Variants in GALNT18 observed in about 807,000 individuals in gnomAD.
The protein encoded by GALNT18 is polypeptide N-acetylgalactosaminyltransferase 18.
A neutral mutation model predicts 69.5 loss-of-function variants in GALNT18; 44 were observed. The observed-to-expected ratio is 0.63, with a 90% CI of 0.50 to 0.81. The LOEUF (loss-of-function observed/expected upper bound fraction) is 0.81. Ranked by LOEUF, GALNT18 falls within the 40% of genes least tolerant of loss-of-function variation. The pLI, the probability that GALNT18 is intolerant of heterozygous loss-of-function variation, is 0.00. For synonymous variants in GALNT18, 364 were observed against 318.2 expected (o/e 1.14, Z -1.53); for missense variants, 715 against 810.0 (o/e 0.88, Z 1.42).
At chr11:11,446,313 A>G (rs1483427692) in intron 2 of GALNT18, among the ~76,000 whole-genome samples, 1 of 152,148 alleles carries the variant, frequency 6.6e-6, no homozygotes. Context: ...AATCTGTAAA[A>G]TCCACCCTTT....
intron 10 of GALNT18, among the ~76,000 whole-genome samples, chr11:11,276,099 C>G (rs773859357): frequency 1.1e-4 from 16 of 152,148 alleles, no homozygotes; most frequent in Non-Finnish European, 2.1e-4. Context: ...GGGGATAGCA[C>G]TGAATCTACA....
chr11:11,447,475 G>A (rs1855682983), intron 2 of GALNT18, among the ~76,000 whole-genome samples: 2 of 152,100 alleles, frequency 1.3e-5, no homozygotes, highest in Admixed American at 6.5e-5. Flanking sequence ...GTGAAGCAGG[G>A]GTTTCTGTAT....
rs1856509345 is a variant in GALNT18, at chr11:11,480,768, C to G, written c.236-31832G>C. ...CTTCTCACAGCGTGCTCTACAGAAC[C>G]CTAGTTCCGTGCAGAGTTATTAAGT... On this transcript the variant is annotated intron_variant, in intron 1 of 10. Coordinates refer to ENST00000227756, the MANE Select transcript of GALNT18 (RefSeq NM_198516.3). The surrounding 1 kb of genome is among the most constrained non-coding windows in gnomAD (Gnocchi z 4.6). Among the ~76,000 whole-genome samples, 1 of 152,272 alleles carries G rather than the reference C, an allele frequency of 6.6e-6. No homozygotes were observed. Among genetic ancestry groups the G allele is most frequent in the African/African-American group, 2.4e-5 (1 of 41,558 alleles).
chr11:11,552,377 G>T (rs576190208), intron 1 of GALNT18, among the ~76,000 whole-genome samples: 2 of 152,336 alleles, frequency 1.3e-5, no homozygotes, highest in South Asian at 4.1e-4. Flanking sequence ...TTGTATCAAA[G>T]TTATCTTTGA....
rs531178871 is a variant in GALNT18, at chr11:11,617,064, T to TAGAAATCAAACTTTGTAA, written c.235+4294_235+4295insTTACAAAGTTTGATTTCT. Among the ~76,000 whole-genome samples, 243 of 152,270 alleles carry TAGAAATCAAACTTTGTAA rather than the reference T, an allele frequency of 1.6e-3. No homozygotes were observed. The highest frequency in any genetic ancestry group is 5.6e-3 in the African/African-American group (234 of 41,564). On this transcript the variant is annotated intron_variant, in intron 1 of 10. Transcript: ENST00000227756. This position sits in a 1 kb window ranked among gnomAD's most constrained non-coding sequence, Gnocchi z 4.7. Reference sequence around the variant, plus strand: ...CAATGAATTTTAAAGAAAACAGAACTATGGGATATTATGGGAGTGGTTTGT... The same window carrying TAGAAATCAAACTTTGTAA: ...CAATGAATTTTAAAGAAAACAGAACTAGAAATCAAACTTTGTAAATGGGATATTATGGGAGTGGTTTGT...
In GALNT18 at chr11:11,505,194, C is replaced by T. The variant is rs1240370398; in HGVS notation, c.236-56258G>A. On this transcript the variant is annotated intron_variant, in intron 1 of 10. Transcript: ENST00000227756. This position sits in a 1 kb window ranked among gnomAD's most constrained non-coding sequence, Gnocchi z 4.6. ...AGGATGTTCCAGGCAGAGTAAATGG[C>T]ATGATATTTTGTAGTACACACACTC... Among the ~76,000 whole-genome samples, 1 of 152,198 alleles carries T rather than the reference C, an allele frequency of 6.6e-6. No homozygotes were observed. Among genetic ancestry groups the T allele is most frequent in the Non-Finnish European group, 1.5e-5 (1 of 68,040 alleles).
chr11:11,548,382 A>G (rs541377931), intron 1 of GALNT18, among the ~76,000 whole-genome samples: 3 of 152,336 alleles, frequency 2.0e-5, no homozygotes, highest in Admixed American at 6.5e-5. Flanking sequence ...CCACAAGGAA[A>G]CATCTTTCCA....
chr11:11,584,977 GCTTCCCAACAC>G lies in GALNT18; in HGVS notation c.235+36371_235+36381del, dbSNP rs1249135653. Among the ~76,000 whole-genome samples the G allele has an allele frequency of 2.3e-4, 35 of 152,270 alleles. No individual in the cohort carries two copies. The highest frequency in any genetic ancestry group is 8.2e-4 in the African/African-American group (34 of 41,564). On this transcript the variant is annotated intron_variant, in intron 1 of 10. Coordinates refer to ENST00000227756, the MANE Select transcript of GALNT18 (RefSeq NM_198516.3). This position sits in a 1 kb window ranked among gnomAD's most constrained non-coding sequence, Gnocchi z 4.1. ...TGCCTCCACCACTATGAGCTTGACG[GCTTCCCAACAC>G]CTAAAGACTTCTGATGATATAAATG... is the stretch of plus-strand genomic sequence containing the variant.
chr11:11,437,628 G>A (rs1175908646), intron 2 of GALNT18, among the ~76,000 whole-genome samples: 1 of 152,068 alleles, frequency 6.6e-6, no homozygotes, highest in Non-Finnish European at 1.5e-5. Flanking sequence ...CTGGGGCGGT[G>A]GCCAAACCTC....
intron 1 of GALNT18, among the ~76,000 whole-genome samples, chr11:11,498,908 G>A (rs773249018): frequency 1.3e-5 from 2 of 152,198 alleles, no homozygotes; most frequent in Non-Finnish European, 2.9e-5. Flanking sequence ...ATGCCAAAAT[G>A]TTTTCCCTGG....
At chr11:11,384,028 T>C (rs1853990000) in intron 3 of GALNT18, among the ~76,000 whole-genome samples, 1 of 152,166 alleles carries the variant, frequency 6.6e-6, no homozygotes, top group Non-Finnish European at 1.5e-5. Flanking sequence ...AATAGACTAA[T>C]ACACTTACTA....
chr11:11,525,049 G>A (rs1857488133), intron 1 of GALNT18, among the ~76,000 whole-genome samples: 1 of 152,154 alleles, frequency 6.6e-6, no homozygotes, highest in South Asian at 2.1e-4. Context: ...TGAAGAGAAA[G>A]GAGGGGATTT....
intron 3 of GALNT18, among the ~76,000 whole-genome samples, chr11:11,411,487 T>C (rs564122977): frequency 2.0e-5 from 3 of 152,346 alleles, no homozygotes; most frequent in Admixed American, 6.5e-5. Flanking sequence ...GGGAGCTCAA[T>C]GCATCCTGAT....
chr11:11,430,117 C>A lies in GALNT18; in HGVS notation c.595+2504G>T, dbSNP rs1317346268. 6.6e-6 allele frequency among the ~76,000 whole-genome samples: 1 copy of A among 152,070 alleles called. No individual in the cohort carries two copies. The highest frequency in any genetic ancestry group is 1.5e-5 in the Non-Finnish European group (1 of 67,992). On this transcript the variant is annotated intron_variant, in intron 3 of 10. Coordinates refer to ENST00000227756, the MANE Select transcript of GALNT18 (RefSeq NM_198516.3). The surrounding 1 kb of genome is among the most constrained non-coding windows in gnomAD (Gnocchi z 4.9). ...CTGCATTCCAGCCTGGGCAACAGAG[C>A]AAGACCCTGTCTCAAAAAAAACCAA...
chr11:11,452,801 G>A (rs1005527425), intron 1 of GALNT18, among the ~76,000 whole-genome samples: 5 of 152,148 alleles, frequency 3.3e-5, no homozygotes, highest in Non-Finnish European at 7.4e-5. Context: ...TTCCAGGATT[G>A]GACTCTGGCT....
At chr11:11,386,292 T>C (rs1003156723) in intron 3 of GALNT18, among the ~76,000 whole-genome samples, 4 of 152,206 alleles carry the variant, frequency 2.6e-5, no homozygotes, top group Non-Finnish European at 4.4e-5. Flanking sequence ...TGTTCATTGA[T>C]GCCCATGGTA....
At chr11:11,501,567 G>A (rs377254849) in intron 1 of GALNT18, among the ~76,000 whole-genome samples, 1 of 152,260 alleles carries the variant, frequency 6.6e-6, no homozygotes, top group East Asian at 1.9e-4. Context: ...ATGTAATAAT[G>A]TGTCTTCCCT....
chr11:11,474,922 C>A (rs1856356156), intron 1 of GALNT18, among the ~76,000 whole-genome samples: 1 of 152,216 alleles, frequency 6.6e-6, no homozygotes, highest in South Asian at 2.1e-4. Context: ...ATGCCCTGAC[C>A]TGCCTTTCCC....
intron 10 of GALNT18, among the ~76,000 whole-genome samples, chr11:11,292,704 C>A (rs1458080797): frequency 6.6e-6 from 1 of 152,172 alleles, no homozygotes; most frequent in East Asian, 1.9e-4. Flanking sequence ...AGACTCTGGG[C>A]AGGGGACTCC....
Sources: allele counts gnomAD v4.1 joint callset (sites outside exome capture counted in the v4.1 genomes callset), GRCh38; gene constraint gnomAD v4.1.1; non-coding constraint Gnocchi (gnomAD v3.1); transcripts MANE v1.5; gene names NCBI Gene and HGNC (gene_info 2026-07-23, HGNC 2026-07-21).